Variants in FABP6 observed in about 807,000 individuals in gnomAD.
The protein encoded by FABP6 is fatty acid binding protein 6.
FABP6 carries 13 observed loss-of-function variants against 14.9 expected under a neutral mutation model. The ratio of observed to expected loss-of-function variants is 0.87; its 90% CI spans 0.57 to 1.39. The LOEUF is 1.39. Ranked by LOEUF, FABP6 falls within the 40% of genes most tolerant of loss-of-function variation. The probability of loss-of-function intolerance (pLI) is 0.00; values close to 1 mark genes in which losing one functional copy is unlikely to be tolerated. For missense variants in FABP6, 161 were observed against 167.2 expected (o/e 0.96, Z 0.20); for synonymous variants, 75 against 63.6 (o/e 1.18, Z -0.85).
intron 3 of FABP6, among the ~76,000 whole-genome samples, chr5:160,221,708 G>GTT (rs11444347): frequency 2.6e-5 from 4 of 151,760 alleles, no homozygotes; most frequent in East Asian, 1.9e-4. Context: ...AATGGATGGA[G>GTT]TTTTTTTTCA....
At chr5:160,190,730 T>C (rs1759377265) in intron 1 of FABP6, among the ~76,000 whole-genome samples, 5 of 152,212 alleles carry the variant, frequency 3.3e-5, no homozygotes, top group Admixed American at 3.3e-4. Context: ...GGCAAGTTGT[T>C]TTGATTCATC....
At chr5:160,234,244 C>T (rs946576101) in intron 2 of FABP6, among the ~76,000 whole-genome samples, 33 of 152,064 alleles carry the variant, frequency 2.2e-4, no homozygotes, top group African/African-American at 7.2e-4. Flanking sequence ...GCACAAAACC[C>T]GCTTCAGCAC....
chr5:160,209,858 A>G (rs1759849957), intron 2 of FABP6, among the ~76,000 whole-genome samples: 2 of 152,238 alleles, frequency 1.3e-5, no homozygotes, highest in South Asian at 4.2e-4. Flanking sequence ...GCCCTTTTCT[A>G]TGTCTATATA....
intron 3 of FABP6, among the ~76,000 whole-genome samples, chr5:160,237,996 C>A (rs915361506): frequency 6.6e-6 from 1 of 152,186 alleles, no homozygotes. Flanking sequence ...CATGGAAATG[C>A]TGCTTTCTTC....
In FABP6 at chr5:160,223,388, T is replaced by TTTC. The variant is rs1193082078; in HGVS notation, c.136-6158_136-6157insTTC. Among the ~76,000 whole-genome samples, 3 of 13,924 alleles carry TTTC rather than the reference T, an allele frequency of 2.2e-4. No individual in the cohort carries two copies. The South Asian group carries it at 5.1e-3, about 23-fold the overall frequency. 9.1% of individuals were successfully genotyped at this position (13,924 alleles called of 152,430 possible). Reference sequence around the variant, plus strand: ...TTCCCTCCCTCCCTCCCTCCCTCTCTCCTTCCTTCCTTCCTTCCTTCCTTC... The same window carrying TTTC: ...TTCCCTCCCTCCCTCCCTCCCTCTCTTTCCCTTCCTTCCTTCCTTCCTTCCTTC... On this transcript the variant is annotated intron_variant, in intron 3 of 6. Coordinates refer to the FABP6 transcript ENST00000393980.
chr5:160,222,164 C>A (rs1182440965), intron 3 of FABP6, among the ~76,000 whole-genome samples: 4 of 147,688 alleles, frequency 2.7e-5, no homozygotes, highest in African/African-American at 1.0e-4. Flanking sequence ...GCAATCATAG[C>A]TCACTGAAGC....
intron 3 of FABP6, among the ~76,000 whole-genome samples, chr5:160,235,221 C>T (rs1053262909): frequency 6.6e-5 from 10 of 152,128 alleles, no homozygotes; most frequent in Admixed American, 1.3e-4. Flanking sequence ...TTCTGGGACA[C>T]GAGACTGGAA....
intron 3 of FABP6, among the ~76,000 whole-genome samples, chr5:160,237,363 A>T (rs1428402860): frequency 6.6e-6 from 1 of 152,160 alleles, no homozygotes; most frequent in East Asian, 1.9e-4. Context: ...TGACACAGCC[A>T]GGAACACACA....
Position 160,201,513 on chromosome 5 carries a change from T to TA in FABP6, c.51+2361dup, listed in dbSNP as rs565782333. Among the ~76,000 whole-genome samples the TA allele has an allele frequency of 2.7e-4, 41 of 152,294 alleles. 1 individual carries two copies. In the South Asian group the frequency reaches 5.8e-3, roughly 22 times the overall value. On this transcript the variant is annotated intron_variant, in intron 2 of 6. Transcript: ENST00000393980. ...AAGAGAAGTGAATGTATTACCTATTTAAAAATAATAATTTAAACGTTTTTT... is the reference window on the plus strand; with the variant it reads ...AAGAGAAGTGAATGTATTACCTATTTAAAAAATAATAATTTAAACGTTTTTT...
intron 2 of FABP6, among the ~76,000 whole-genome samples, chr5:160,213,201 C>T (rs10035229): frequency 2.8e-4 from 43 of 152,270 alleles, no homozygotes; most frequent in African/African-American, 9.9e-4. Flanking sequence ...TGGGGCCCAA[C>T]GAAAGGTGGG....
At chr5:160,205,127 A>C (rs1759733743) in intron 2 of FABP6, among the ~76,000 whole-genome samples, 1 of 152,104 alleles carries the variant, frequency 6.6e-6, no homozygotes, top group Non-Finnish European at 1.5e-5. Context: ...TGGTTTTGGC[A>C]GAGTTATGAT....
At chr5:160,213,636 C>T in intron 2 of FABP6, 1 of 952,552 alleles carries the variant, frequency 1.0e-6, no homozygotes, top group Non-Finnish European at 1.7e-6. Context: ...ATTAAGAGCG[C>T]TGCTATGAGG....
rs116237330 is a variant in FABP6, at chr5:160,232,255, G to A, written c.225G>A (p.Met75Ile). 50,606 of 1,609,654 alleles carry A rather than the reference G, an allele frequency of 0.031. 964 individuals carry two copies. Among genetic ancestry groups the A allele is most frequent in the Non-Finnish European group, 0.037 (43,663 of 1,177,852 alleles). The change falls in exon 2 of 4, where the codon ATG (methionine) becomes ATA (isoleucine). Residue 75 changes from methionine to isoleucine, a missense_variant. By Grantham distance (10) the Met-to-Ile change is conservative. Transcript: ENST00000402432. ...GCAAGGAAAGCAACATACAGACAAT[G>A]GGGGGCAAGACGTTCAAGGTGAGAG... is the stretch of plus-strand genomic sequence containing the variant. ...TVGKESNIQT[M>I]GGKTFKATVQ... is the part of the protein sequence containing the mutation.
chr5:160,217,863 A>G (rs1487791661), intron 3 of FABP6, among the ~76,000 whole-genome samples: 1 of 151,722 alleles, frequency 6.6e-6, no homozygotes, highest in Admixed American at 6.6e-5. Context: ...GGCTCATCTC[A>G]AACTCCTGGG....
intron 3 of FABP6, among the ~76,000 whole-genome samples, chr5:160,238,235 C>A (rs375607221): frequency 1.3e-5 from 2 of 152,316 alleles, no homozygotes; most frequent in African/African-American, 4.8e-5. Flanking sequence ...GGCGTGTGGC[C>A]TTGGAAGGAT....
chr5:160,204,142 A>G (rs1205180573), intron 2 of FABP6, among the ~76,000 whole-genome samples: 1 of 94,918 alleles, frequency 1.1e-5, no homozygotes, highest in Non-Finnish European at 2.6e-5. Flanking sequence ...CCATCTCAAA[A>G]AAAAAAAAAA....
intron 3 of FABP6, among the ~76,000 whole-genome samples, chr5:160,216,757 T>C (rs1760020936): frequency 6.6e-6 from 1 of 152,174 alleles, no homozygotes; most frequent in Admixed American, 6.5e-5. Context: ...TTTCTGTAAG[T>C]AGGGATTATT....
At chr5:160,214,097 T>C (rs1759956269) in intron 3 of FABP6, among the ~76,000 whole-genome samples, 1 of 53,708 alleles carries the variant, frequency 1.9e-5, no homozygotes, top group Non-Finnish European at 3.9e-5. Context: ...TTCTCTTTCT[T>C]TCTTTCTTTC....
intron 3 of FABP6, among the ~76,000 whole-genome samples, chr5:160,235,425 T>A (rs1401776753): frequency 6.6e-6 from 1 of 152,146 alleles, no homozygotes; most frequent in Non-Finnish European, 1.5e-5. Context: ...GGCAACTAAT[T>A]AAAAAAATTC....
Sources: gnomAD v4.1 joint callset for allele counts (sites outside exome capture counted in the v4.1 genomes callset) on GRCh38, gnomAD v4.1.1 for gene constraint, MANE v1.5 for transcripts, NCBI Gene and HGNC (gene_info 2026-07-23, HGNC 2026-07-21) for gene names.